Variants in AHCTF1 observed in about 807,000 individuals in gnomAD.
AHCTF1 encodes the protein protein ELYS.
A neutral mutation model predicts 248.4 loss-of-function variants in AHCTF1; 24 were observed. That is an observed-to-expected ratio of 0.10 (90% CI 0.07 to 0.14). AHCTF1 has a LOEUF of 0.14. Among genes scored for constraint, AHCTF1 ranks in the 10% least tolerant of loss-of-function variants. The pLI, the probability that AHCTF1 is intolerant of heterozygous loss-of-function variation, is 1.00. For synonymous variants in AHCTF1, 786 were observed against 929.8 expected (o/e 0.85, Z 2.81); for missense variants, 2,206 against 2,636.2 (o/e 0.84, Z 3.57).
chr1:246,870,558 ATAAAGTG>A (rs1662516963), intron 24 of AHCTF1, among the ~76,000 whole-genome samples: 1 of 152,202 alleles, frequency 6.6e-6, no homozygotes, highest in Admixed American at 6.5e-5. Context: ...TGTTGAAATG[ATAAAGTG>A]TAAACAGATA....
intron 27 of AHCTF1, among the ~76,000 whole-genome samples, chr1:246,862,636 G>GT (rs1290500228): frequency 2.0e-5 from 3 of 151,910 alleles, no homozygotes; most frequent in African/African-American, 7.3e-5. Flanking sequence ...CTTTTTATAC[G>GT]TAAGTCTACG....
At position 246,850,362 on chromosome 1, in the gene AHCTF1, G is replaced by C; in HGVS notation, c.5644C>G (p.Gln1882Glu). 1 of 1,611,454 alleles carries C rather than the reference G, an allele frequency of 6.2e-7. No individual in the cohort carries two copies. Among genetic ancestry groups the C allele is most frequent in the South Asian group, 1.1e-5 (1 of 90,764 alleles). ...TCATTTATAATTTCAACACTTTCCT[G>C]ATTTTCTACAGATCTTTTAATTCTT... ...PRRIKRSVEN[Q>E]ESVEIINDLK... The change falls in exon 33 of 36, where the codon CAG becomes GAG. Residue 1882 changes from glutamine (Q) to glutamate (E), a missense_variant. Around this residue, in one of 6 missense-constraint regions of AHCTF1, gnomAD observed 469 missense variants for 470.0 expected, o/e 1.00. Coordinates refer to ENST00000648844, the MANE Select transcript of AHCTF1 (RefSeq NM_001323342.2).
chr1:246,876,670 A>G (rs2067915), intron 23 of AHCTF1, among the ~76,000 whole-genome samples: 4,017 of 152,276 alleles, frequency 0.026, 180 homozygotes, highest in African/African-American at 0.092. Context: ...TCTTTGTACT[A>G]TGTAACTCCT....
At chr1:246,851,496 C>A in intron 32 of AHCTF1, 54 bp from the exon 33 acceptor site, 1 of 1,478,154 alleles carries the variant, frequency 6.8e-7, no homozygotes, top group Non-Finnish European at 9.1e-7. Flanking sequence ...CATGTTTTAA[C>A]TTGAAGCACA....
At chr1:246,908,569 G>T (rs1223068897) in intron 4 of AHCTF1, among the ~76,000 whole-genome samples, 3 of 151,942 alleles carry the variant, frequency 2.0e-5, no homozygotes, top group African/African-American at 7.3e-5. Context: ...TCATTTTGCA[G>T]CCCTTAATGA....
intron 3 of AHCTF1, 30 bp downstream of exon 3, chr1:246,916,112 A>T: frequency 6.3e-7 from 1 of 1,593,976 alleles, no homozygotes; most frequent in Non-Finnish European, 8.6e-7. Flanking sequence ...TTTGAAAGAG[A>T]AATGTCCAGG....
intron 10 of AHCTF1, among the ~76,000 whole-genome samples, 168 bp downstream of exon 10, chr1:246,899,897 T>A: frequency 6.8e-6 from 1 of 147,020 alleles, no homozygotes; most frequent in South Asian, 2.1e-4. Context: ...ATAAAACATA[T>A]AAATACTAAG....
intron 1 of AHCTF1, among the ~76,000 whole-genome samples, chr1:246,929,404 G>A (rs370118612): frequency 7.3e-5 from 8 of 109,240 alleles, no homozygotes; most frequent in East Asian, 5.0e-4. Flanking sequence ...GTGAGACTCC[G>A]TCTCAAAAAA....
At position 246,862,090 on chromosome 1, in the gene AHCTF1, T is replaced by C. The variant is rs1661598445; in HGVS notation, c.3604A>G (p.Ile1202Val). ...GTTGATCGAAGAGTAGACCTCAGGA[T>C]GGACTGAGGAGTGAACTCAGAAAAT... ...SGFSEFTPQSILRSTLRSTPL... is the reference protein window; with the variant it reads ...SGFSEFTPQSVLRSTLRSTPL... Residue 1202 changes from isoleucine (I) to valine (V), a missense_variant, in exon 28 of 36, where the codon ATC becomes GTC. This residue lies in a region of AHCTF1 where 955 missense variants were observed against 1,055.6 expected (regional missense o/e 0.90). Coordinates refer to ENST00000648844, the MANE Select transcript of AHCTF1 (RefSeq NM_001323342.2). 6.2e-7 allele frequency: 1 copy of C among 1,611,184 alleles called. No homozygotes were observed. The highest frequency in any genetic ancestry group is 1.3e-5 in the African/African-American group (1 of 74,800).
At chr1:246,894,424 A>G (rs1664422907) in intron 14 of AHCTF1, among the ~76,000 whole-genome samples, 1 of 152,222 alleles carries the variant, frequency 6.6e-6, no homozygotes, top group East Asian at 1.9e-4. Context: ...ATACAAAAAA[A>G]TTAGCCGAGC....
intron 31 of AHCTF1, among the ~76,000 whole-genome samples, chr1:246,854,917 C>T (rs1326875119): frequency 6.6e-6 from 1 of 151,918 alleles, no homozygotes; most frequent in Non-Finnish European, 1.5e-5. Flanking sequence ...TCAGGAAAGA[C>T]ACTTTAAATG....
intron 32 of AHCTF1, chr1:246,851,949 G>A (rs1207628933): frequency 1.3e-5 from 2 of 153,714 alleles, no homozygotes; most frequent in Non-Finnish European, 2.9e-5. Flanking sequence ...CTTTGCTGGG[G>A]CTGCATAAAC....
intron 5 of AHCTF1, 28 bp downstream of exon 5, chr1:246,907,523 T>A (rs976998972): frequency 3.8e-6 from 6 of 1,597,126 alleles, no homozygotes; most frequent in Non-Finnish European, 5.1e-6. Flanking sequence ...CTACCTATAA[T>A]CAAATAAGGG....
At chr1:246,870,367 G>A (rs751280371) in intron 24 of AHCTF1, among the ~76,000 whole-genome samples, 8 of 152,110 alleles carry the variant, frequency 5.3e-5, no homozygotes, top group Non-Finnish European at 8.8e-5. Context: ...AGGCTACAAT[G>A]AGCTATGATT....
intron 3 of AHCTF1, among the ~76,000 whole-genome samples, chr1:246,915,206 T>C (rs542687675): frequency 6.6e-6 from 1 of 152,256 alleles, no homozygotes; most frequent in South Asian, 2.1e-4. Flanking sequence ...GGTGCACGCC[T>C]GTAGTCCCAG....
chr1:246,845,954 G>C (rs571398206), intron 33 of AHCTF1, among the ~76,000 whole-genome samples: 6 of 143,640 alleles, frequency 4.2e-5, no homozygotes, highest in African/African-American at 4.9e-5. Flanking sequence ...AGTAGCTCTA[G>C]AACAACACAT....
Position 246,853,080 on chromosome 1 carries a change from A to T in AHCTF1, c.4563+11T>A. 1.3e-6 allele frequency: 2 copies of T among 1,597,782 alleles called. No individual in the cohort carries two copies. The highest frequency in any genetic ancestry group is 2.3e-5 in the South Asian group (2 of 88,274). On this transcript the variant is annotated intron_variant, in intron 32 of 35. Transcript: ENST00000648844. ...AGACTGATAAAGAAGTAAAAAATTA[A>T]TTTTTTTTACATGAATTTCTTGAGT...
chr1:246,857,675 C>T lies in AHCTF1; in HGVS notation c.4256+16G>A. Reference sequence around the variant, plus strand: ...CTTCTTTCTAAAAGTATTTGAATTTCTCTCCATTAACTTACCCTTCATAGA... The same window carrying T: ...CTTCTTTCTAAAAGTATTTGAATTTTTCTCCATTAACTTACCCTTCATAGA... On this transcript the variant is annotated intron_variant, in intron 30 of 35. Coordinates refer to ENST00000648844, the MANE Select transcript of AHCTF1 (RefSeq NM_001323342.2). 6.3e-7 allele frequency: 1 copy of T among 1,583,574 alleles called. No homozygotes were observed. The highest frequency in any genetic ancestry group is 8.6e-7 in the Non-Finnish European group (1 of 1,169,060).
intron 11 of AHCTF1, among the ~76,000 whole-genome samples, chr1:246,899,088 T>A (rs1664813053): frequency 6.6e-6 from 1 of 151,932 alleles, no homozygotes; most frequent in African/African-American, 2.4e-5. Flanking sequence ...AAACTCCGTC[T>A]CAAAAAGAGA....
Sources: allele counts gnomAD v4.1 joint callset (sites outside exome capture counted in the v4.1 genomes callset), GRCh38; gene constraint gnomAD v4.1.1; regional missense constraint gnomAD v4.1.1; transcripts MANE v1.5; gene names NCBI Gene and HGNC (gene_info 2026-07-23, HGNC 2026-07-21).